Variants in DIAPH3 observed in about 807,000 individuals in gnomAD.
DIAPH3 encodes the protein protein diaphanous homolog 3.
Under a neutral mutation model 144.3 loss-of-function variants are expected in DIAPH3, and 117 were observed. That is an observed-to-expected ratio of 0.81 (90% CI 0.70 to 0.95). The LOEUF (loss-of-function observed/expected upper bound fraction) is 0.95, where lower values mean the gene tolerates loss of function less well. Among genes scored for constraint, DIAPH3 ranks in the 40% least tolerant of loss-of-function variants. The probability of loss-of-function intolerance (pLI) is 0.00; values close to 1 mark genes in which losing one functional copy is unlikely to be tolerated. For synonymous variants in DIAPH3, 519 were observed against 488.9 expected (o/e 1.06, Z -0.81); for missense variants, 1,421 against 1,412.7 (o/e 1.01, Z -0.09).
chr13:60,000,078 G>A (rs1260865797), intron 9 of DIAPH3, among the ~76,000 whole-genome samples: 4 of 152,060 alleles, frequency 2.6e-5, no homozygotes, highest in South Asian at 2.1e-4. Context: ...TATGAGATAC[G>A]GGTTAAGACC....
Position 59,971,079 on chromosome 13 carries a change from G to A in DIAPH3, c.1732C>T (p.Pro578Ser), listed in dbSNP as rs760823659. 1.2e-6 allele frequency: 2 copies of A among 1,613,468 alleles called. No homozygotes were observed. Among genetic ancestry groups the A allele is most frequent in the South Asian group, 2.2e-5 (2 of 91,020 alleles). The part of the protein sequence containing the change: ...GGTGHSALPP[P>S]PPLPSGGGVP... ...CCTCCACCAGAAGGCAGTGGAGGCG[G>A]AGGAGGAAGTGCTGAGTGGCCAGTT... The change falls in exon 16 of 28, where the codon CCG becomes TCG. Residue 578 changes from proline to serine, a missense_variant. Transcript: ENST00000400324.
chr13:59,713,369 T>C (rs544418371), intron 27 of DIAPH3, among the ~76,000 whole-genome samples: 2 of 152,246 alleles, frequency 1.3e-5, no homozygotes, highest in African/African-American at 4.8e-5. Flanking sequence ...AGTCTGTTTT[T>C]TGAAACCTAA....
intron 24 of DIAPH3, among the ~76,000 whole-genome samples, chr13:59,831,562 G>C (rs1486007099): frequency 6.6e-6 from 1 of 151,916 alleles, no homozygotes; most frequent in Non-Finnish European, 1.5e-5. Context: ...AGACTGCCTG[G>C]AAGACTAATT....
intron 27 of DIAPH3, among the ~76,000 whole-genome samples, chr13:59,721,594 A>T (rs185582441): frequency 6.6e-6 from 1 of 152,340 alleles, no homozygotes; most frequent in East Asian, 1.9e-4. Context: ...AGGAAAAGAA[A>T]TGAGTGTAAT....
At chr13:60,016,287 C>A in intron 5 of DIAPH3, 142 bp from the exon 6 acceptor site, 1 of 812,514 alleles carries the variant, frequency 1.2e-6, no homozygotes, top group South Asian at 1.7e-5. Flanking sequence ...AAAAATTATT[C>A]ATGACTCATC....
At chr13:59,843,692 T>C (rs1593639776) in intron 22 of DIAPH3, among the ~76,000 whole-genome samples, 1 of 152,224 alleles carries the variant, frequency 6.6e-6, no homozygotes, top group African/African-American at 2.4e-5. Flanking sequence ...CTCTGATTAT[T>C]TGCACATTAT....
At chr13:59,718,678 T>C (rs73544311) in intron 27 of DIAPH3, among the ~76,000 whole-genome samples, 1,584 of 152,272 alleles carry the variant, frequency 0.01, 38 homozygotes, top group African/African-American at 0.036. Flanking sequence ...ACATATATAA[T>C]TGAGACATTT....
At chr13:59,908,678 T>A (rs1365610793) in intron 20 of DIAPH3, among the ~76,000 whole-genome samples, 3 of 152,092 alleles carry the variant, frequency 2.0e-5, no homozygotes, top group African/African-American at 2.4e-5. Flanking sequence ...TCAGAAAAAA[T>A]TGTAATTAAT....
In DIAPH3 at chr13:59,879,388, G is replaced by T. The variant is rs1388291402; in HGVS notation, c.2448C>A (p.Ile816=). The change falls in exon 21 of 28, where the codon ATC becomes ATA. Residue 816 remains isoleucine (I), a synonymous_variant. Transcript: ENST00000400324. ...KLQFEEQVNN[I]KPDIMAVSTA... is the part of the protein sequence containing the mutation. ...TACTGACAGCCATGATGTCAGGTTT[G>T]ATGTTGTTCACCTGCTCTTCAAACT... 4 of 1,613,850 alleles carry T rather than the reference G, an allele frequency of 2.5e-6. No homozygotes were observed. In the Admixed American group the frequency reaches 6.7e-5, roughly 27 times the overall value.
intron 22 of DIAPH3, among the ~76,000 whole-genome samples, chr13:59,858,112 T>C (rs905231526): frequency 2.0e-5 from 3 of 152,156 alleles, no homozygotes; most frequent in African/African-American, 7.2e-5. Flanking sequence ...GGATATAAAT[T>C]TGTAAGTCTT....
intron 27 of DIAPH3, among the ~76,000 whole-genome samples, chr13:59,713,043 C>T (rs1239258377): frequency 6.6e-6 from 1 of 152,194 alleles, no homozygotes; most frequent in Non-Finnish European, 1.5e-5. Flanking sequence ...GGAGGCGGAG[C>T]TCAGTGGGTA....
At chr13:59,933,469 G>A (rs991423076) in intron 17 of DIAPH3, among the ~76,000 whole-genome samples, 6 of 152,166 alleles carry the variant, frequency 3.9e-5, no homozygotes, top group African/African-American at 1.2e-4. Flanking sequence ...CCCATGAATC[G>A]GTGGAGCTAC....
At chr13:59,773,840 T>C (rs341550) in intron 27 of DIAPH3, among the ~76,000 whole-genome samples, 99,924 of 152,000 alleles carry the variant, frequency 0.66, 33,323 homozygotes, top group East Asian at 0.72. Context: ...GATTTAATAC[T>C]TCAAATTGTA....
intron 5 of DIAPH3, among the ~76,000 whole-genome samples, chr13:60,038,353 G>A (rs963778329): frequency 3.9e-5 from 6 of 152,094 alleles, no homozygotes; most frequent in African/African-American, 9.7e-5. Context: ...CTCAGATCAT[G>A]TTGATAAAAA....
intron 4 of DIAPH3, among the ~76,000 whole-genome samples, chr13:60,058,380 CA>C (rs1234941472): frequency 2.0e-5 from 3 of 151,788 alleles, no homozygotes; most frequent in Non-Finnish European, 2.9e-5. Flanking sequence ...ATTAAAAAGC[CA>C]AAAAATAACA....
At chr13:59,835,482 A>G (rs1040779135) in intron 23 of DIAPH3, among the ~76,000 whole-genome samples, 1 of 151,808 alleles carries the variant, frequency 6.6e-6, no homozygotes, top group Non-Finnish European at 1.5e-5. Flanking sequence ...TGAGCTGTCC[A>G]TTGGGTAGTA....
At chr13:60,157,090 G>A (rs1005043325) in intron 1 of DIAPH3, among the ~76,000 whole-genome samples, 47 of 151,202 alleles carry the variant, frequency 3.1e-4, no homozygotes, top group Admixed American at 1.8e-3. Context: ...GATTACAGGC[G>A]CCCACTGCCA....
intron 22 of DIAPH3, among the ~76,000 whole-genome samples, chr13:59,851,987 T>C (rs1444511573): frequency 6.6e-6 from 1 of 152,170 alleles, no homozygotes; most frequent in Non-Finnish European, 1.5e-5. Context: ...GCCTAATCCT[T>C]GCTAATACAA....
At chr13:60,027,954 G>C (rs944733251) in intron 5 of DIAPH3, among the ~76,000 whole-genome samples, 1 of 152,072 alleles carries the variant, frequency 6.6e-6, no homozygotes, top group African/African-American at 2.4e-5. Flanking sequence ...ATGCTGGTCA[G>C]AGCAGTCCTA....
Sources: gnomAD v4.1 joint callset for allele counts (sites outside exome capture counted in the v4.1 genomes callset) on GRCh38, gnomAD v4.1.1 for gene constraint, MANE v1.5 for transcripts, NCBI Gene and HGNC (gene_info 2026-07-23, HGNC 2026-07-21) for gene names.